MECOM: variants seen among roughly 807,000 people sequenced by gnomAD.
MECOM encodes the protein histone-lysine N-methyltransferase MECOM.
In MECOM, 13 loss-of-function variants were observed where a neutral mutation model predicts 116.3. The ratio of observed to expected loss-of-function variants is 0.11; its 90% CI spans 0.07 to 0.18. The LOEUF is 0.18. Among genes scored for constraint, MECOM ranks in the 10% least tolerant of loss-of-function variants. MECOM has a pLI of 1.00. For missense variants in MECOM, 1,299 were observed against 1,509.0 expected, an observed-to-expected ratio of 0.86 and a Z score of 2.31; for synonymous variants, 528 against 535.2, an observed-to-expected ratio of 0.99 and a Z score of 0.19.
intron 2 of MECOM, among the ~76,000 whole-genome samples, chr3:169,236,597 G>C (rs1459277988): frequency 6.6e-6 from 1 of 152,074 alleles, no homozygotes; most frequent in Non-Finnish European, 1.5e-5. Context: ...AAAAAGAAAA[G>C]CCTAGTTAGG....
At chr3:169,472,787 T>A (rs906937463) in intron 1 of MECOM, among the ~76,000 whole-genome samples, 1 of 151,686 alleles carries the variant, frequency 6.6e-6, no homozygotes, top group African/African-American at 2.4e-5. Context: ...TAAGCCTTAG[T>A]GTTCATTTTT....
At chr3:169,520,899 AT>A (rs1757269111) in intron 1 of MECOM, among the ~76,000 whole-genome samples, 1 of 152,224 alleles carries the variant, frequency 6.6e-6, no homozygotes. Context: ...TGGCCAGATC[AT>A]TTAATCACTC....
chr3:169,221,599 T>C (rs1752141554), intron 2 of MECOM, among the ~76,000 whole-genome samples: 1 of 150,410 alleles, frequency 6.6e-6, no homozygotes, highest in Non-Finnish European at 1.5e-5. Flanking sequence ...TGGCAGCTCC[T>C]GGAAGTCACT....
intron 2 of MECOM, among the ~76,000 whole-genome samples, chr3:169,261,482 T>C (rs929334233): frequency 6.6e-6 from 1 of 152,158 alleles, no homozygotes; most frequent in African/African-American, 2.4e-5. Flanking sequence ...ACAGATCACC[T>C]GAGGTCAGGA....
chr3:169,492,089 A>T (rs1447454239), intron 1 of MECOM, among the ~76,000 whole-genome samples: 1 of 152,238 alleles, frequency 6.6e-6, no homozygotes, highest in Non-Finnish European at 1.5e-5. Context: ...TCTGCTCAGC[A>T]CAAACACACA....
chr3:169,359,070 G>A (rs780419912), intron 2 of MECOM, among the ~76,000 whole-genome samples: 2 of 151,674 alleles, frequency 1.3e-5, no homozygotes, highest in Non-Finnish European at 3.0e-5. Context: ...GTTCAGCTAT[G>A]TCTATAGCAC....
At chr3:169,661,856 C>A (rs1776326875) in intron 1 of MECOM, among the ~76,000 whole-genome samples, 1 of 152,202 alleles carries the variant, frequency 6.6e-6, no homozygotes, top group African/African-American at 2.4e-5. Flanking sequence ...TCTCTCATTT[C>A]TGCGTTCCGT....
At chr3:169,436,353 C>T (rs1203823732) in intron 1 of MECOM, among the ~76,000 whole-genome samples, 1 of 150,146 alleles carries the variant, frequency 6.7e-6, no homozygotes, top group African/African-American at 2.4e-5. Flanking sequence ...CAGGTTCAAG[C>T]GATTCCCCTG....
chr3:169,657,623 CT>C (rs1775696232), intron 1 of MECOM, among the ~76,000 whole-genome samples: 1 of 152,204 alleles, frequency 6.6e-6, no homozygotes, highest in Non-Finnish European at 1.5e-5. Context: ...AGGACTTTCT[CT>C]CCTCCCACTT....
At chr3:169,291,236 C>T (rs927006159) in intron 2 of MECOM, among the ~76,000 whole-genome samples, 1 of 152,086 alleles carries the variant, frequency 6.6e-6, no homozygotes, top group African/African-American at 2.4e-5. Context: ...CTTCATTTCC[C>T]CCACTTGAAT....
intron 2 of MECOM, among the ~76,000 whole-genome samples, chr3:169,205,885 A>T (rs1219542168): frequency 2.6e-5 from 4 of 152,224 alleles, no homozygotes; most frequent in Non-Finnish European, 4.4e-5. Flanking sequence ...TTGGGATTAG[A>T]TGCTAATAAT....
intron 1 of MECOM, among the ~76,000 whole-genome samples, chr3:169,541,280 A>G (rs1760028382): frequency 6.6e-6 from 1 of 152,240 alleles, no homozygotes; most frequent in Non-Finnish European, 1.5e-5. Context: ...AGATTAGTTG[A>G]GAACTGAGAA....
intron 2 of MECOM, among the ~76,000 whole-genome samples, chr3:169,195,488 A>G (rs1269733473): frequency 4.6e-5 from 7 of 152,128 alleles, no homozygotes; most frequent in African/African-American, 1.7e-4. Context: ...GAAAAAGGTG[A>G]TAATTTTGAC....
At chr3:169,275,196 A>G (rs1411142608) in intron 2 of MECOM, among the ~76,000 whole-genome samples, 1 of 152,242 alleles carries the variant, frequency 6.6e-6, no homozygotes, top group Non-Finnish European at 1.5e-5. Context: ...CTAAAATAGT[A>G]TGAATGGCCC....
chr3:169,588,699 AT>A (rs995213873), intron 1 of MECOM, among the ~76,000 whole-genome samples: 1 of 152,160 alleles, frequency 6.6e-6, no homozygotes, highest in African/African-American at 2.4e-5. Flanking sequence ...ATGTGGAAAC[AT>A]TTTAGAACTC....
At chr3:169,352,684 G>C (rs957404572) in intron 2 of MECOM, among the ~76,000 whole-genome samples, 3 of 151,854 alleles carry the variant, frequency 2.0e-5, no homozygotes, top group African/African-American at 7.2e-5. Flanking sequence ...GCTTAGAAGT[G>C]ACAATCATAA....
chr3:169,603,801 T>G (rs1768135791), intron 1 of MECOM, among the ~76,000 whole-genome samples: 1 of 152,204 alleles, frequency 6.6e-6, no homozygotes, highest in South Asian at 2.1e-4. Flanking sequence ...CCCACAACAA[T>G]GGCATTGTCT....
intron 1 of MECOM, among the ~76,000 whole-genome samples, chr3:169,514,991 T>G (rs1756445632): frequency 6.6e-6 from 1 of 152,216 alleles, no homozygotes; most frequent in Non-Finnish European, 1.5e-5. Flanking sequence ...TGGATAATTC[T>G]GCATTAAAAG....
chr3:169,566,476 CAA>C (rs1251497427), intron 1 of MECOM, among the ~76,000 whole-genome samples: 1 of 152,190 alleles, frequency 6.6e-6, no homozygotes, highest in African/African-American at 2.4e-5. Context: ...GTAATAATAT[CAA>C]AAGCTACAAC....
Sources: allele counts gnomAD v4.1 joint callset (sites outside exome capture counted in the v4.1 genomes callset), GRCh38; gene constraint gnomAD v4.1.1; transcripts MANE v1.5; gene names NCBI Gene and HGNC (gene_info 2026-07-23, HGNC 2026-07-21).